HSD17B7: variants seen among roughly 807,000 people sequenced by gnomAD.
HSD17B7 encodes 3-keto-steroid reductase/17-beta-hydroxysteroid dehydrogenase 7.
HSD17B7 carries 17 observed loss-of-function variants against 34.1 expected under a neutral mutation model. The observed-to-expected ratio is 0.50, with a 90% CI of 0.34 to 0.75. HSD17B7 has a LOEUF of 0.75. HSD17B7 is among the 30% of genes least tolerant of loss of function. The pLI is 0.01. For missense variants in HSD17B7, 296 were observed against 406.6 expected, an observed-to-expected ratio of 0.73 and a Z score of 2.34; for synonymous variants, 122 against 154.6, an observed-to-expected ratio of 0.79 and a Z score of 1.56.
At chr1:162,803,366 A>G (rs1187319608) in intron 5 of HSD17B7, 65 bp from the exon 6 acceptor site, 1 of 1,473,806 alleles carries the variant, frequency 6.8e-7, no homozygotes, top group Non-Finnish European at 9.3e-7. Flanking sequence ...ATTAACTAGC[A>G]TGTAGCTGGA....
intron 8 of HSD17B7, among the ~76,000 whole-genome samples, chr1:162,805,771 G>A (rs539156899): frequency 3.3e-5 from 5 of 152,258 alleles, no homozygotes; most frequent in Admixed American, 2.6e-4. Flanking sequence ...GACCGGGCCT[G>A]GGTGCCTCTG....
In HSD17B7 at chr1:162,792,859, A is replaced by G. The variant is rs149698797; in HGVS notation, c.236A>G (p.Gln79Arg). 3.7e-6 allele frequency: 6 copies of G among 1,614,136 alleles called. No homozygotes were observed. The highest frequency in any genetic ancestry group is 5.1e-6 in the Non-Finnish European group (6 of 1,179,990). Residue 79 changes from glutamine (Q) to arginine (R), a missense_variant, in exon 2 of 9, where the codon CAA becomes CGA. Gln to Arg is a conservative substitution (Grantham distance 43). Transcript: ENST00000254521. Reference protein sequence around the residue: ...SVFRASKELKQRFQRLDCIYL... With the variant: ...SVFRASKELKRRFQRLDCIYL... ...TTCCGGGCCTCCAAGGAACTTAAGCAAAGGTATATCTCTTGCTGATGGATT... is the reference window on the plus strand; with the variant it reads ...TTCCGGGCCTCCAAGGAACTTAAGCGAAGGTATATCTCTTGCTGATGGATT...
intron 3 of HSD17B7, 151 bp downstream of exon 3, chr1:162,796,828 A>G: frequency 1.6e-6 from 1 of 623,810 alleles, no homozygotes; most frequent in East Asian, 2.7e-5. Flanking sequence ...CATATCATGA[A>G]AGAAAAGCAA....
chr1:162,804,407 C>T (rs1370105504), intron 7 of HSD17B7, 84 bp downstream of exon 7: 2 of 886,208 alleles, frequency 2.3e-6, no homozygotes, highest in Non-Finnish European at 1.8e-6. Flanking sequence ...ATAATTTCAA[C>T]AGAAAAGATA....
intron 2 of HSD17B7, chr1:162,795,803 C>T: frequency 5.6e-6 from 2 of 356,062 alleles, no homozygotes; most frequent in Non-Finnish European, 1.1e-5. Flanking sequence ...CAGGCTTTAC[C>T]TGCCTTGAAC....
intron 4 of HSD17B7, chr1:162,799,044 A>G (rs1204391191): frequency 1.0e-5 from 2 of 192,558 alleles, no homozygotes; most frequent in African/African-American, 2.4e-5. Flanking sequence ...TGTGCAGCCA[A>G]TGCATACTGG....
intron 1 of HSD17B7, among the ~76,000 whole-genome samples, chr1:162,792,193 C>A (rs1482370079): frequency 6.6e-6 from 1 of 152,276 alleles, no homozygotes; most frequent in African/African-American, 2.4e-5. Context: ...TTCTGGTGCT[C>A]CTTATGGTGT....
At chr1:162,798,794 G>C (rs967909911) in intron 4 of HSD17B7, 8 of 168,080 alleles carry the variant, frequency 4.8e-5, no homozygotes, top group African/African-American at 1.9e-4. Context: ...TCGGGAGTTT[G>C]AGATCAGCCT....
rs1247761784 is a variant in HSD17B7, at chr1:162,792,820, A to G, written c.197A>G (p.Asn66Ser). 3.7e-6 allele frequency: 6 copies of G among 1,614,076 alleles called. No individual in the cohort carries two copies. Among genetic ancestry groups the G allele is most frequent in the Non-Finnish European group, 5.1e-6 (6 of 1,180,044 alleles). Reference protein sequence around the residue: ...EVTIVQVDVSNLQSVFRASKE... With the variant: ...EVTIVQVDVSSLQSVFRASKE... ...ACCATTGTCCAGGTGGATGTCAGCA[A>G]CCTGCAGTCGGTCTTCCGGGCCTCC... The change falls in exon 2 of 9, where the codon AAC (asparagine) becomes AGC (serine). Residue 66 changes from asparagine (N) to serine (S), a missense_variant. Transcript: ENST00000254521.
Position 162,790,848 on chromosome 1 carries a change from T to C in HSD17B7, c.35+13T>C. ...CCGGGGCTAGCAGGTGAGGCCTCCT[T>C]TGGGTTGGCAGAGGCGGCAGCGGAT... On this transcript the variant is annotated intron_variant, in intron 1 of 8. Coordinates refer to ENST00000254521, the MANE Select transcript of HSD17B7 (RefSeq NM_016371.4). 1.2e-6 allele frequency: 2 copies of C among 1,613,434 alleles called. No homozygotes were observed. Among genetic ancestry groups the C allele is most frequent in the Non-Finnish European group, 1.7e-6 (2 of 1,179,682 alleles).
Position 162,812,570 on chromosome 1 carries a change from C to G in HSD17B7, c.*150C>G, listed in dbSNP as rs1649200967. ...GCATGCGCATGTAGTCCCAGCTACT[C>G]AGAAGGATGAGGTGGGAGGATCTCT... On this transcript the variant is annotated 3_prime_UTR_variant, in exon 9 of 9. Coordinates refer to ENST00000254521, the MANE Select transcript of HSD17B7 (RefSeq NM_016371.4). 1.3e-6 allele frequency: 1 copy of G among 740,766 alleles called. No homozygotes were observed. Among genetic ancestry groups the G allele is most frequent in the Non-Finnish European group, 2.0e-6 (1 of 494,098 alleles). The allele number at this position is 740,766 out of a possible 1,614,324, so 45.9% of individuals were successfully genotyped here. A position where few individuals can be genotyped will look rare whatever the true frequency, so the allele number is the denominator to read the frequency against.
At chr1:162,802,465 A>G (rs1648845222) in intron 5 of HSD17B7, among the ~76,000 whole-genome samples, 1 of 152,032 alleles carries the variant, frequency 6.6e-6, no homozygotes, top group Admixed American at 6.6e-5. Flanking sequence ...ATTGTTGGTA[A>G]ATCAAGGGGA....
chr1:162,793,405 T>C (rs1648488044), intron 2 of HSD17B7, among the ~76,000 whole-genome samples: 1 of 152,068 alleles, frequency 6.6e-6, no homozygotes, highest in African/African-American at 2.4e-5. Flanking sequence ...CATCCTGATG[T>C]GTGATCAGTT....
rs1476488482 is a variant in HSD17B7 at position 162,790,833 on chromosome 1, C to T, written c.33C>T (p.Ser11=). The T allele has an allele frequency of 6.2e-7, 1 of 1,613,844 alleles. No homozygotes were observed. The highest frequency in any genetic ancestry group is 1.1e-5 in the South Asian group (1 of 91,010). MRKVVLITGA[S]SGIGLALCKR... ...AGGTGGTTTTGATCACCGGGGCTAG[C>T]AGGTGAGGCCTCCTTTGGGTTGGCA... The change falls in exon 1 of 9, where the codon AGC becomes AGT. Residue 11 remains serine (S), a splice_region_variant and synonymous_variant. Coordinates refer to ENST00000254521, the MANE Select transcript of HSD17B7 (RefSeq NM_016371.4).
chr1:162,802,338 G>A (rs1181680811), intron 5 of HSD17B7, among the ~76,000 whole-genome samples: 1 of 152,210 alleles, frequency 6.6e-6, no homozygotes, highest in Non-Finnish European at 1.5e-5. Flanking sequence ...ATCCTAGGAA[G>A]CTCCTAGAAT....
intron 5 of HSD17B7, among the ~76,000 whole-genome samples, chr1:162,801,033 G>A (rs1368546625): frequency 1.3e-5 from 2 of 152,072 alleles, no homozygotes; most frequent in Admixed American, 6.5e-5. Flanking sequence ...AGGCTGGAGT[G>A]CGGTGGCACA....
chr1:162,798,994 CAAAA>C (rs58731372), intron 4 of HSD17B7: 129 of 138,476 alleles, frequency 9.3e-4, no homozygotes, highest in South Asian at 5.5e-3. Flanking sequence ...AACTCCGTCT[CAAAA>C]AAAAAAAAAA....
chr1:162,797,262 A>C (rs1033038280), intron 3 of HSD17B7: 1 of 157,792 alleles, frequency 6.3e-6, no homozygotes, highest in Non-Finnish European at 1.4e-5. Context: ...CTTCTTTTCC[A>C]TTAAAAGACA....
rs369875215 is a variant in HSD17B7 at position 162,804,308 on chromosome 1, T to C, written c.789T>C (p.Asn263=). Residue 263 remains asparagine, a synonymous_variant, in exon 7 of 9, where the codon AAT becomes AAC. Coordinates refer to ENST00000254521, the MANE Select transcript of HSD17B7 (RefSeq NM_016371.4). ...ATGCATTCACTTTGACACCATATAA[T>C]GGAACAGAAGCTCTGGTATGTTACT... The part of the protein sequence containing the change: ...FANAFTLTPY[N]GTEALVWLFH... 1.8e-3 allele frequency: 2,938 copies of C among 1,603,258 alleles called. 42 individuals are homozygous for C. The African/African-American group carries it at 0.034, about 19-fold the overall frequency.
Sources: gnomAD v4.1 joint callset for allele counts (sites outside exome capture counted in the v4.1 genomes callset) on GRCh38, gnomAD v4.1.1 for gene constraint, MANE v1.5 for transcripts, NCBI Gene and HGNC (gene_info 2026-07-23, HGNC 2026-07-21) for gene names.